The following ASS1 variants were observed in gnomAD, a reference collection of about 807,000 sequenced individuals.
The protein encoded by ASS1 is argininosuccinate synthase.
Under a neutral mutation model 60.5 loss-of-function variants are expected in ASS1, and 58 were observed. The ratio of observed to expected loss-of-function variants is 0.96; its 90% CI spans 0.78 to 1.19. ASS1 has a LOEUF of 1.19. Ranked by LOEUF, ASS1 falls within the 50% of genes most tolerant of loss-of-function variation. The pLI is 0.00. For missense variants in ASS1, 454 were observed against 547.3 expected (o/e 0.83, Z 1.70); for synonymous variants, 200 against 206.9 (o/e 0.97, Z 0.29).
chr9:130,498,878 TAG>T (rs1846668814), intron 13 of ASS1, among the ~76,000 whole-genome samples: 1 of 152,076 alleles, frequency 6.6e-6, no homozygotes, highest in African/African-American at 2.4e-5. Flanking sequence ...GTGGAAACTG[TAG>T]AGAGGTAAAA....
intron 2 of ASS1, among the ~76,000 whole-genome samples, chr9:130,453,035 C>T (rs1476575295): frequency 6.6e-6 from 1 of 152,234 alleles, no homozygotes; most frequent in Non-Finnish European, 1.5e-5. Flanking sequence ...AGGATGGCTT[C>T]AGGCAGGGCT....
In ASS1 at chr9:130,470,764, G is replaced by A; in HGVS notation, c.496-70G>A. 4.1e-6 allele frequency: 6 copies of A among 1,457,690 alleles called. No individual in the cohort carries two copies. The highest frequency in any genetic ancestry group is 5.8e-6 in the Non-Finnish European group (6 of 1,039,060). 90.3% of individuals were successfully genotyped at this position (1,457,690 alleles called of 1,614,324 possible). ...AGTTTGGGGCTCTCTGAAAAAGCAG[G>A]GCCCCTGGGACGGACCTCACGCGTC... is the stretch of plus-strand genomic sequence containing the variant. On this transcript the variant is annotated intron_variant, in intron 6 of 14. Transcript: ENST00000352480. This position sits in a 1 kb window ranked among gnomAD's most constrained non-coding sequence, Gnocchi z 4.3.
At chr9:130,467,933 C>T (rs529758713) in intron 6 of ASS1, among the ~76,000 whole-genome samples, 51 of 152,304 alleles carry the variant, frequency 3.3e-4, no homozygotes, top group African/African-American at 1.2e-3. Flanking sequence ...ATAGATGAGT[C>T]TCAGGAGCAC....
At chr9:130,496,621 A>T (rs1846609396) in intron 13 of ASS1, among the ~76,000 whole-genome samples, 3 of 151,500 alleles carry the variant, frequency 2.0e-5, no homozygotes, top group South Asian at 4.2e-4. Context: ...AAAAAAAGGA[A>T]ACACAACTGG....
At chr9:130,500,295 T>G (rs767625621) in intron 14 of ASS1, among the ~76,000 whole-genome samples, 1 of 152,160 alleles carries the variant, frequency 6.6e-6, no homozygotes, top group African/African-American at 2.4e-5. Flanking sequence ...ATGTCTCATT[T>G]AATTCTTACA....
intron 4 of ASS1, among the ~76,000 whole-genome samples, chr9:130,458,825 C>T (rs554953185): frequency 1.1e-4 from 16 of 152,344 alleles, no homozygotes; most frequent in East Asian, 5.8e-4. Flanking sequence ...GCTGTGGGAG[C>T]GATGTCACCC....
At chr9:130,500,820 G>T (rs1188716385) in intron 14 of ASS1, among the ~76,000 whole-genome samples, 156 bp from the exon 15 acceptor site, 3 of 152,082 alleles carry the variant, frequency 2.0e-5, no homozygotes, top group African/African-American at 7.2e-5. Context: ...GGGCAGGAGG[G>T]GCCAGGGCGG....
At chr9:130,485,024 G>A (rs1031077946) in intron 11 of ASS1, among the ~76,000 whole-genome samples, 6 of 152,130 alleles carry the variant, frequency 3.9e-5, no homozygotes, top group African/African-American at 1.4e-4. Flanking sequence ...GGGGGCTCAG[G>A]AAGAGGAGGG....
At chr9:130,469,954 G>A (rs974170583) in intron 6 of ASS1, among the ~76,000 whole-genome samples, 2 of 152,216 alleles carry the variant, frequency 1.3e-5, no homozygotes, top group Non-Finnish European at 2.9e-5. Context: ...GGCTCTGAGG[G>A]GCTGGGTGGG....
At chr9:130,452,403 C>T in intron 2 of ASS1, 70 bp downstream of exon 2, 1 of 1,381,596 alleles carries the variant, frequency 7.2e-7, no homozygotes, top group Non-Finnish European at 1.0e-6. Context: ...CCCTGCCAGC[C>T]TCTGTCTGGG....
chr9:130,472,005 G>A (rs905916121), intron 8 of ASS1, among the ~76,000 whole-genome samples: 6 of 152,168 alleles, frequency 3.9e-5, no homozygotes, highest in Non-Finnish European at 8.8e-5. Context: ...CAAGCTTCCC[G>A]GGCGGGCTGG....
At chr9:130,486,627 A>G (rs553696) in intron 11 of ASS1, among the ~76,000 whole-genome samples, 50,179 of 152,118 alleles carry the variant, frequency 0.33, 8,896 homozygotes, top group East Asian at 0.61. Context: ...GAGAGAGGCC[A>G]TTTCCTAATC....
At chr9:130,479,956 G>A (rs931060658) in intron 10 of ASS1, 156 bp downstream of exon 10, 3 of 917,054 alleles carry the variant, frequency 3.3e-6, no homozygotes, top group Non-Finnish European at 5.4e-6. Context: ...CGGACCAGGG[G>A]GACCCATTTG....
At chr9:130,486,845 G>A (rs1219847565) in intron 11 of ASS1, among the ~76,000 whole-genome samples, 1 of 152,260 alleles carries the variant, frequency 6.6e-6, no homozygotes, top group East Asian at 1.9e-4. Context: ...TTCTGCCCAG[G>A]AACACGGAGC....
intron 2 of ASS1, 96 bp from the exon 3 acceptor site, chr9:130,454,209 C>T (rs748009342): frequency 7.9e-7 from 1 of 1,262,588 alleles, no homozygotes; most frequent in Non-Finnish European, 1.1e-6. Context: ...TGGAAGCTGT[C>T]TCTGTAGCAG....
intron 12 of ASS1, among the ~76,000 whole-genome samples, chr9:130,490,602 CTCTG>C (rs1846426334): frequency 6.6e-6 from 1 of 152,312 alleles, no homozygotes; most frequent in Non-Finnish European, 1.5e-5. Flanking sequence ...GCATGAGCCA[CTCTG>C]TCTGGCCAGT....
chr9:130,451,232 G>A (rs1044454547), intron 1 of ASS1, among the ~76,000 whole-genome samples: 6 of 152,114 alleles, frequency 3.9e-5, no homozygotes, highest in African/African-American at 7.2e-5. Flanking sequence ...TGGCGCCTTC[G>A]GGAGGCTTCA....
intron 2 of ASS1, among the ~76,000 whole-genome samples, chr9:130,452,639 A>G (rs1845353666): frequency 6.6e-6 from 1 of 152,204 alleles, no homozygotes; most frequent in African/African-American, 2.4e-5. Context: ...GCAGAGAGGC[A>G]TGGGCTGGGA....
intron 1 of ASS1, 151 bp downstream of exon 1, chr9:130,445,146 G>A (rs1022790700): frequency 8.1e-6 from 8 of 985,452 alleles, no homozygotes; most frequent in Non-Finnish European, 9.6e-6. Context: ...GACTGGGACC[G>A]AGGCAGGAGG....
Sources: allele counts gnomAD v4.1 joint callset (sites outside exome capture counted in the v4.1 genomes callset), GRCh38; gene constraint gnomAD v4.1.1; non-coding constraint Gnocchi (gnomAD v3.1); transcripts MANE v1.5; gene names NCBI Gene and HGNC (gene_info 2026-07-23, HGNC 2026-07-21).